The following TANC2 variants were observed in gnomAD, a reference collection of about 807,000 sequenced individuals.
The protein encoded by TANC2 is protein TANC2.
A neutral mutation model predicts 210.5 loss-of-function variants in TANC2; 26 were observed. The ratio of observed to expected loss-of-function variants is 0.12; its 90% confidence interval spans 0.09 to 0.17. The LOEUF (loss-of-function observed/expected upper bound fraction) is 0.17. TANC2 is among the 10% of genes least tolerant of loss of function. The probability of loss-of-function intolerance (pLI) is 1.00; values close to 1 mark genes in which losing one functional copy is unlikely to be tolerated. For synonymous variants in TANC2, 931 were observed against 967.1 expected (o/e 0.96, Z 0.69); for missense variants, 2,129 against 2,608.9 (o/e 0.82, Z 4.01).
intron 3 of TANC2, 61 bp downstream of exon 3, chr17:63,074,075 G>A: frequency 5.0e-6 from 7 of 1,393,162 alleles, no homozygotes; most frequent in Non-Finnish European, 5.9e-6. Flanking sequence ...TTTCTTTCTA[G>A]TACTTAATTT....
Position 63,329,505 on chromosome 17 carries a change from A to G in TANC2, c.1575+10415A>G, listed in dbSNP as rs374189042. Among the ~76,000 whole-genome samples the G allele has an allele frequency of 1.4e-3, 212 of 152,342 alleles. 1 individual carries two copies. The highest frequency in any genetic ancestry group is 4.9e-3 in the African/African-American group (205 of 41,586). The stretch of plus-strand genomic sequence containing the variant: ...CTATTCTGTTGTCAAGGCTGTGGGA[A>G]AACAGACACTCTCATACTGGAGCAC... On this transcript the variant is annotated intron_variant, in intron 11 of 27. Transcript: ENST00000689528.
At chr17:63,076,209 C>T (rs1021490126) in intron 3 of TANC2, among the ~76,000 whole-genome samples, 1 of 152,102 alleles carries the variant, frequency 6.6e-6, no homozygotes, top group African/African-American at 2.4e-5. Flanking sequence ...TCACCCCTAA[C>T]CAAAAGCAAA....
intron 8 of TANC2, among the ~76,000 whole-genome samples, chr17:63,264,566 G>A (rs892406632): frequency 4.6e-5 from 7 of 152,160 alleles, no homozygotes; most frequent in African/African-American, 1.4e-4. Context: ...TGGATTGAAA[G>A]CTTCATTGTA....
intron 17 of TANC2, among the ~76,000 whole-genome samples, chr17:63,393,069 C>G (rs1294794892): frequency 6.6e-6 from 1 of 152,188 alleles, no homozygotes; most frequent in Non-Finnish European, 1.5e-5. Context: ...TCTCACATTA[C>G]ATTTAGTGTT....
intron 19 of TANC2, 70 bp downstream of exon 19, chr17:63,398,984 T>C: frequency 8.5e-7 from 1 of 1,176,156 alleles, no homozygotes; most frequent in Non-Finnish European, 1.2e-6. Flanking sequence ...CACCCCCTTA[T>C]TTTTTCCCTG....
intron 8 of TANC2, among the ~76,000 whole-genome samples, chr17:63,267,174 A>G (rs1435053081): frequency 6.6e-6 from 1 of 152,166 alleles, no homozygotes; most frequent in Non-Finnish European, 1.5e-5. Flanking sequence ...AATAAAATGG[A>G]TACTCTAGTA....
chr17:63,040,454 C>T (rs969505354), intron 2 of TANC2, among the ~76,000 whole-genome samples: 25 of 152,160 alleles, frequency 1.6e-4, no homozygotes, highest in African/African-American at 5.8e-4. Flanking sequence ...CACATATTTT[C>T]GGTTTCTGTG....
At chr17:63,110,864 G>C (rs1172202133) in intron 4 of TANC2, among the ~76,000 whole-genome samples, 1 of 152,142 alleles carries the variant, frequency 6.6e-6, no homozygotes, top group Admixed American at 6.5e-5. Context: ...GTTAAACATG[G>C]CAGACTTTGG....
chr17:63,315,698 G>A (rs1468575546), intron 10 of TANC2, among the ~76,000 whole-genome samples: 1 of 152,154 alleles, frequency 6.6e-6, no homozygotes, highest in African/African-American at 2.4e-5. Context: ...TAGTTACAGG[G>A]TCTAGCACAG....
At chr17:63,073,394 A>G (rs1032024416) in intron 2 of TANC2, among the ~76,000 whole-genome samples, 5 of 152,132 alleles carry the variant, frequency 3.3e-5, no homozygotes, top group African/African-American at 1.2e-4. Flanking sequence ...ATACAATGAA[A>G]TGGATTTGTT....
rs145433384 is a variant in TANC2 at position 63,123,954 on chromosome 17, G to A, written c.322+24597G>A. On this transcript the variant is annotated intron_variant, in intron 4 of 27. Transcript: ENST00000689528. ...CTGACCTTGTGATCCACCCGCCTTGGCCTCCCAAAGTGCTGGGATCACAGG... is the reference window on the plus strand; with the variant it reads ...CTGACCTTGTGATCCACCCGCCTTGACCTCCCAAAGTGCTGGGATCACAGG... 5.2e-3 allele frequency among the ~76,000 whole-genome samples: 794 copies of A among 152,082 alleles called. 6 individuals are homozygous for A. Among genetic ancestry groups the A allele is most frequent in the Admixed American group, 9.4e-3 (143 of 15,278 alleles).
At chr17:63,122,711 G>A (rs941258710) in intron 4 of TANC2, among the ~76,000 whole-genome samples, 6 of 152,294 alleles carry the variant, frequency 3.9e-5, no homozygotes, top group East Asian at 1.9e-4. Flanking sequence ...CAGCCTGGGC[G>A]ACAGAGTGAG....
At position 63,030,831 on chromosome 17, in the gene TANC2, G is replaced by GT. The variant is rs879751599; in HGVS notation, c.67+21213dup. On this transcript the variant is annotated intron_variant, in intron 2 of 27. Coordinates refer to ENST00000689528, the Ensembl canonical transcript of TANC2. ...CACTTTGTTTTTCTAACCTAGTTTT[G>GT]TTTTTTTTAATCTTAAAAATTAGCA... Among the ~76,000 whole-genome samples, 806 of 150,912 alleles carry GT rather than the reference G, an allele frequency of 5.3e-3. 5 individuals carry two copies. The highest frequency in any genetic ancestry group is 9.5e-3 in the Non-Finnish European group (642 of 67,776).
At chr17:62,998,919 G>A (rs541628323) in intron 1 of TANC2, among the ~76,000 whole-genome samples, 2 of 152,278 alleles carry the variant, frequency 1.3e-5, no homozygotes, top group Admixed American at 6.5e-5. Context: ...AACACACATA[G>A]AGTCAAAGTA....
At chr17:63,407,348 G>T (rs1028452744) in intron 21 of TANC2, among the ~76,000 whole-genome samples, 2 of 152,198 alleles carry the variant, frequency 1.3e-5, no homozygotes, top group Non-Finnish European at 2.9e-5. Flanking sequence ...GCAAGGAGGA[G>T]GAAGGTTGGG....
intron 6 of TANC2, chr17:63,197,498 A>G (rs916670473): frequency 3.3e-5 from 5 of 152,214 alleles, no homozygotes; most frequent in Non-Finnish European, 2.9e-5. Flanking sequence ...TAACAAAGAT[A>G]AACTGCTATG....
intron 14 of TANC2, among the ~76,000 whole-genome samples, chr17:63,376,621 A>T (rs1165296586): frequency 6.6e-6 from 1 of 152,152 alleles, no homozygotes; most frequent in Admixed American, 6.5e-5. Flanking sequence ...TTTTGCCTTT[A>T]CAGAATTTCT....
intron 2 of TANC2, among the ~76,000 whole-genome samples, chr17:63,025,811 TAAAATTAAATTAAAATAAAATAAAA>T (rs1568327208): frequency 2.5e-5 from 3 of 119,610 alleles, no homozygotes; most frequent in Admixed American, 8.3e-5. Flanking sequence ...TAAAATAAAA[TAAAATTAAATTAAAATAAAATAAAA>T]TAAAATAAAA....
intron 2 of TANC2, among the ~76,000 whole-genome samples, chr17:63,066,495 A>G (rs566896293): frequency 6.6e-6 from 1 of 152,212 alleles, no homozygotes; most frequent in Non-Finnish European, 1.5e-5. Flanking sequence ...CCAGGGCACA[A>G]AAAGAGATAT....
Sources: gnomAD v4.1 joint callset for allele counts (sites outside exome capture counted in the v4.1 genomes callset) on GRCh38, gnomAD v4.1.1 for gene constraint, MANE v1.5 for transcripts, NCBI Gene and HGNC (gene_info 2026-07-23, HGNC 2026-07-21) for gene names.